Variants in AKR7A3 observed in about 807,000 individuals in gnomAD.
AKR7A3 encodes aldo-keto reductase family 7 member A3, also known as AFB1 aldehyde reductase 2.
Under a neutral mutation model 32.5 loss-of-function variants are expected in AKR7A3, and 37 were observed. The ratio of observed to expected loss-of-function variants is 1.14; its 90% CI spans 0.88 to 1.50. The LOEUF is 1.50. Ranked by LOEUF, AKR7A3 falls within the 40% of genes most tolerant of loss-of-function variation. AKR7A3 has a pLI of 0.00. For missense variants in AKR7A3, 412 were observed against 453.2 expected (o/e 0.91, Z 0.83); for synonymous variants, 177 against 188.4 (o/e 0.94, Z 0.50).
chr1:19,274,490 C>G, the AKR7A3 span, among the ~76,000 whole-genome samples: 172 of 151,806 alleles, frequency 1.1e-3, 4 homozygotes, highest in African/African-American at 4.1e-3. Context: ...GGGAGCTTAA[C>G]GGGTGTGGTG....
intron 1 of AKR7A3, among the ~76,000 whole-genome samples, chr1:19,286,574 C>T (rs990861558): frequency 1.3e-5 from 2 of 151,658 alleles, no homozygotes; most frequent in Admixed American, 6.6e-5. Context: ...CCAGCTAGTC[C>T]GGAGTCTGAG....
In AKR7A3 at chr1:19,283,977, G is replaced by A. The variant is rs748252452; in HGVS notation, c.834+19C>T. 2.2e-5 allele frequency: 35 copies of A among 1,612,550 alleles called. No individual in the cohort carries two copies. Among genetic ancestry groups the A allele is most frequent in the Admixed American group, 1.5e-4 (9 of 59,998 alleles). On this transcript the variant is annotated intron_variant, in intron 6 of 6. Coordinates refer to ENST00000361640, the MANE Select transcript of AKR7A3 (RefSeq NM_012067.3). ...TCCCCTGGAAGGGAAGAAGCTGAGCGCACAGGGTCACTGGTTACCTGCAGC... is the reference window on the plus strand; with the variant it reads ...TCCCCTGGAAGGGAAGAAGCTGAGCACACAGGGTCACTGGTTACCTGCAGC...
chr1:19,278,018 G>A (rs1031646494), downstream of AKR7A3, among the ~76,000 whole-genome samples: 2 of 151,862 alleles, frequency 1.3e-5, no homozygotes, highest in Non-Finnish European at 2.9e-5. Flanking sequence ...TGCTTTTGGT[G>A]TCAATATCTA....
chr1:19,287,640 C>A (rs1215381390), intron 1 of AKR7A3, among the ~76,000 whole-genome samples: 3 of 151,984 alleles, frequency 2.0e-5, no homozygotes, highest in Admixed American at 2.0e-4. Context: ...CCTGCCTCCT[C>A]CAGCACCCGC....
downstream of AKR7A3, among the ~76,000 whole-genome samples, chr1:19,280,651 A>G (rs936992556): frequency 2.7e-4 from 41 of 151,302 alleles, 2 homozygotes; most frequent in African/African-American, 9.5e-4. Flanking sequence ...GCTCACTGCA[A>G]GCTCCACCTC....
At position 19,286,188 on chromosome 1, in the gene AKR7A3, C is replaced by T. The variant is rs1378941696; in HGVS notation, c.399G>A (p.Gln133=). The T allele has an allele frequency of 1.2e-6, 2 of 1,612,564 alleles. No homozygotes were observed. Among genetic ancestry groups the T allele is most frequent in the Non-Finnish European group, 1.7e-6 (2 of 1,179,984 alleles). ...CAGAGCTCAGGGGTCCCCTCACCTC[C>T]TGGTGCAGCTGGTGGCAGGCACGCA... The part of the protein sequence containing the change: ...ETLRACHQLH[Q]EGKFVELGLS... The change falls in exon 2 of 7, where the codon CAG becomes CAA. Residue 133 remains glutamine (Q), a synonymous_variant. Coordinates refer to ENST00000361640, the MANE Select transcript of AKR7A3 (RefSeq NM_012067.3).
chr1:19,285,156 AAAG>A (rs1335447307), intron 3 of AKR7A3, 42 bp from the exon 4 acceptor site: 23 of 1,588,134 alleles, frequency 1.4e-5, no homozygotes, highest in Non-Finnish European at 2.0e-5. Context: ...GGATGTGTCA[AAAG>A]AAGAGACTTC....
the AKR7A3 span, among the ~76,000 whole-genome samples, chr1:19,274,785 A>G: frequency 7.3e-6 from 1 of 136,642 alleles, no homozygotes; most frequent in East Asian, 2.2e-4. Flanking sequence ...GTCTCAAAAG[A>G]AAAAAAAAAA....
In AKR7A3 at chr1:19,286,613, G is replaced by A. The variant is rs140047159; in HGVS notation, c.215-241C>T. On this transcript the variant is annotated intron_variant, in intron 1 of 6. Transcript: ENST00000361640. The stretch of plus-strand genomic sequence containing the variant: ...GGAGAATTGCTTGAACCCGGGAGGC[G>A]GAGGTTGCAGTGAGCCGAGATTGTG... Among the ~76,000 whole-genome samples, 953 of 151,942 alleles carry A rather than the reference G, an allele frequency of 6.3e-3. 22 individuals are homozygous for A. Among genetic ancestry groups the A allele is most frequent in the African/African-American group, 0.021 (883 of 41,242 alleles).
intron 1 of AKR7A3, among the ~76,000 whole-genome samples, chr1:19,286,883 C>T (rs922318596): frequency 2.6e-5 from 4 of 151,772 alleles, no homozygotes; most frequent in African/African-American, 7.3e-5. Flanking sequence ...CATTCCACCA[C>T]CACCCCTCTG....
Position 19,285,988 on chromosome 1 carries a change from T to G in AKR7A3, c.407A>C (p.Lys136Thr). 1 of 1,613,758 alleles carries G rather than the reference T, an allele frequency of 6.2e-7. No individual in the cohort carries two copies. The highest frequency in any genetic ancestry group is 1.7e-5 in the Admixed American group (1 of 60,004). The part of the protein sequence containing the change: ...RACHQLHQEG[K>T]FVELGLSNYA... ...GTTGGAGAGGCCAAGCTCCACGAAC[T>G]TGCCCTGCTCAGGTGAGGCTCCAGT... is the stretch of plus-strand genomic sequence containing the variant. Residue 136 changes from lysine to threonine, a missense_variant, in exon 3 of 7, where the codon AAG becomes ACG. Lys to Thr is a moderately conservative substitution (Grantham distance 78). Transcript: ENST00000361640.
At chr1:19,274,793 A>G in the AKR7A3 span, among the ~76,000 whole-genome samples, 50 of 150,774 alleles carry the variant, frequency 3.3e-4, 2 homozygotes, top group African/African-American at 1.2e-3. Flanking sequence ...AGAAAAAAAA[A>G]AAGAAGAAGA....
rs148077799 is a variant in AKR7A3 at position 19,282,825 on chromosome 1, G to A, written c.902C>T (p.Ala301Val). 535 of 1,613,102 alleles carry A rather than the reference G, an allele frequency of 3.3e-4. 2 individuals carry two copies. The highest frequency in any genetic ancestry group is 1.2e-3 in the Middle Eastern group (7 of 6,080). Reference sequence around the variant, plus strand: ...CGGCTCCAGGGGCCCTTCCTCTGCCGCTGCCAAGTTCTGCTCCAGCTGCTC... The same window carrying A: ...CGGCTCCAGGGGCCCTTCCTCTGCCACTGCCAAGTTCTGCTCCAGCTGCTC... The part of the protein sequence containing the change: ...SLEQLEQNLA[A>V]AEEGPLEPAV... The change falls in exon 7 of 7, where the codon GCG becomes GTG. Residue 301 changes from alanine (A) to valine (V), a missense_variant. Transcript: ENST00000361640.
chr1:19,278,323 C>A (rs748496810), downstream of AKR7A3, among the ~76,000 whole-genome samples: 36 of 151,618 alleles, frequency 2.4e-4, no homozygotes, highest in Non-Finnish European at 4.3e-4. Context: ...CTTTGGGAGG[C>A]CAAGGGCAGA....
Position 19,286,336 on chromosome 1 carries a change from T to C in AKR7A3, c.251A>G (p.Asn84Ser). ...CCGGAGACTGTCAGGCTTCAGGGAG[T>C]TCCCAAACAGTGGAATGGCCTTGGT... is the stretch of plus-strand genomic sequence containing the variant. ...IDTKAIPLFG[N>S]SLKPDSLRFQ... The change falls in exon 2 of 7, where the codon AAC (asparagine) becomes AGC (serine). Residue 84 changes from asparagine to serine, a missense_variant. By Grantham distance (46) the Asn-to-Ser change is conservative. Coordinates refer to ENST00000361640, the MANE Select transcript of AKR7A3 (RefSeq NM_012067.3). 6.2e-7 allele frequency: 1 copy of C among 1,613,514 alleles called. No homozygotes were observed. Among genetic ancestry groups the C allele is most frequent in the South Asian group, 1.1e-5 (1 of 91,056 alleles).
At chr1:19,277,373 A>G in the AKR7A3 span, among the ~76,000 whole-genome samples, 1 of 151,960 alleles carries the variant, frequency 6.6e-6, no homozygotes, top group Non-Finnish European at 1.5e-5. Flanking sequence ...AATCTCAAGG[A>G]AAATTAGATC....
chr1:19,274,354 G>A, the AKR7A3 span, among the ~76,000 whole-genome samples: 2 of 151,888 alleles, frequency 1.3e-5, no homozygotes, highest in South Asian at 4.1e-4. Flanking sequence ...CCTCAAGTCC[G>A]CAAGGGTGAG....
At position 19,288,434 on chromosome 1, in the gene AKR7A3, A is replaced by G. The variant is rs117022236; in HGVS notation, c.214+62T>C. 5,345 of 1,569,116 alleles carry G rather than the reference A, an allele frequency of 3.4e-3. 127 individuals are homozygous for G. The East Asian group carries it at 0.045, about 13-fold the overall frequency. On this transcript the variant is annotated intron_variant, in intron 1 of 6. Coordinates refer to ENST00000361640, the MANE Select transcript of AKR7A3 (RefSeq NM_012067.3). The stretch of plus-strand genomic sequence containing the variant: ...CCGGGGCCAGGGAGAGCGGGGCGGT[A>G]CACGGCTGTGGACAGGCTCAGCTCT...
chr1:19,283,752 G>A (rs934696059), intron 6 of AKR7A3, among the ~76,000 whole-genome samples: 2 of 151,786 alleles, frequency 1.3e-5, no homozygotes, highest in Admixed American at 6.5e-5. Flanking sequence ...AGTTGCTTCG[G>A]CCCAAGAGGC....
Sources: allele counts gnomAD v4.1 joint callset (sites outside exome capture counted in the v4.1 genomes callset), GRCh38; gene constraint gnomAD v4.1.1; transcripts MANE v1.5; gene names NCBI Gene and HGNC (gene_info 2026-07-23, HGNC 2026-07-21).